AOPEP: variants seen among roughly 807,000 people sequenced by gnomAD.
AOPEP encodes the protein aminopeptidase O (putative), also known as aminopeptidase O.
In AOPEP, 77 loss-of-function variants were observed where a neutral mutation model predicts 98.1. The observed-to-expected ratio is 0.78, with a 90% CI of 0.65 to 0.95. The LOEUF (loss-of-function observed/expected upper bound fraction) is 0.95. Among genes scored for constraint, AOPEP ranks in the 40% least tolerant of loss-of-function variants. The pLI, the probability that AOPEP is intolerant of heterozygous loss-of-function variation, is 0.00. For missense variants in AOPEP, 1,024 were observed against 1,024.7 expected (o/e 1.00, Z 0.01); for synonymous variants, 346 against 365.3 (o/e 0.95, Z 0.60).
rs764693251 is a variant in AOPEP, at chr9:94,955,227, T to C, written c.1712T>C (p.Ile571Thr). The C allele has an allele frequency of 2.9e-5, 47 of 1,613,748 alleles. No individual in the cohort carries two copies. Among genetic ancestry groups the C allele is most frequent in the Middle Eastern group, 1.6e-4 (1 of 6,084 alleles). Reference protein sequence around the residue: ...GHTSDSGASVIKHGLNPEKIF... With the variant: ...GHTSDSGASVTKHGLNPEKIF... ...ACAAGTGACTCGGGAGCATCTGTTA[T>C]CAAGCATGGACTTAATCCGGAGAAG... is the stretch of plus-strand genomic sequence containing the variant. Residue 571 changes from isoleucine to threonine, a missense_variant, in exon 8 of 17, where the codon ATC becomes ACC. By Grantham distance (89) the Ile-to-Thr change is moderately conservative. Coordinates refer to ENST00000375315, the MANE Select transcript of AOPEP (RefSeq NM_001193329.3).
chr9:94,727,012 C>G (rs1310226657), intron 1 of AOPEP, among the ~76,000 whole-genome samples: 3 of 152,216 alleles, frequency 2.0e-5, no homozygotes, highest in Non-Finnish European at 4.4e-5. Context: ...GTCTTCTCCC[C>G]GGCGGCACAG....
At chr9:94,773,209 CAT>C (rs1564107215) in intron 3 of AOPEP, 41 bp downstream of exon 3, 2 of 1,535,368 alleles carry the variant, frequency 1.3e-6, no homozygotes, top group Non-Finnish European at 1.8e-6. Context: ...GTATTGCACA[CAT>C]GTGGACCCAG....
intron 16 of AOPEP, among the ~76,000 whole-genome samples, chr9:95,083,695 A>G (rs1019111692): frequency 2.0e-5 from 3 of 151,754 alleles, no homozygotes; most frequent in Admixed American, 6.6e-5. Flanking sequence ...CACACACCGC[A>G]CGCACCACAC....
chr9:94,960,970 C>T (rs1037646027), intron 9 of AOPEP, among the ~76,000 whole-genome samples: 32 of 149,916 alleles, frequency 2.1e-4, no homozygotes, highest in Admixed American at 1.5e-3. Context: ...CGAGATTGCG[C>T]GCCACTGCAC....
chr9:95,090,121 C>T (rs879578691), downstream of AOPEP, among the ~76,000 whole-genome samples: 1 of 152,254 alleles, frequency 6.6e-6, no homozygotes, highest in Non-Finnish European at 1.5e-5. Flanking sequence ...GGCTGGAGGG[C>T]AGAGGCCGCA....
chr9:94,938,510 C>T (rs574634741), intron 7 of AOPEP, among the ~76,000 whole-genome samples: 3 of 152,166 alleles, frequency 2.0e-5, no homozygotes, highest in South Asian at 4.1e-4. Flanking sequence ...AGAAAGGATA[C>T]CACTGAGATG....
In AOPEP at chr9:94,760,070, A is replaced by G; in HGVS notation, c.287A>G (p.Tyr96Cys). 3 of 1,614,236 alleles carry G rather than the reference A, an allele frequency of 1.9e-6. No homozygotes were observed. Among genetic ancestry groups the G allele is most frequent in the Non-Finnish European group, 1.7e-6 (2 of 1,180,040 alleles). ...NARTFSSEME[Y>C]NDFAICSKGE... The stretch of plus-strand genomic sequence containing the variant: ...AGGACCTTCTCATCTGAAATGGAAT[A>G]TAATGATTTTGCAATCTGTAGTAAA... Residue 96 changes from tyrosine to cysteine, a missense_variant, in exon 2 of 17, where the codon TAT becomes TGT. Transcript: ENST00000375315.
At chr9:95,144,619 G>A in the AOPEP span, among the ~76,000 whole-genome samples, 3 of 152,300 alleles carry the variant, frequency 2.0e-5, no homozygotes, top group Admixed American at 6.5e-5. Context: ...GAAAGAGTAA[G>A]GCTAGACACG....
chr9:94,988,965 G>T (rs1467320487), intron 11 of AOPEP, among the ~76,000 whole-genome samples: 2 of 149,798 alleles, frequency 1.3e-5, no homozygotes, highest in African/African-American at 2.5e-5. Flanking sequence ...CTGAAGTGCA[G>T]TGGCGCAATC....
At chr9:95,031,285 C>T (rs117202861) in intron 13 of AOPEP, among the ~76,000 whole-genome samples, 3 of 152,204 alleles carry the variant, frequency 2.0e-5, no homozygotes, top group East Asian at 1.9e-4. Flanking sequence ...GTCAGTGCGT[C>T]GGTCTGTCTT....
chr9:95,044,832 G>C (rs1167511135), intron 13 of AOPEP, among the ~76,000 whole-genome samples: 1 of 152,176 alleles, frequency 6.6e-6, no homozygotes, highest in Non-Finnish European at 1.5e-5. Context: ...CTGCACTAGA[G>C]AGGCGCTGGC....
chr9:94,747,044 T>TGG (rs1564059026), intron 1 of AOPEP, among the ~76,000 whole-genome samples: 143 of 148,544 alleles, frequency 9.6e-4, no homozygotes, highest in African/African-American at 2.0e-3. Context: ...CCAGTGGGTT[T>TGG]TTTTTTTTTT....
Position 94,917,444 on chromosome 9 carries a change from C to A in AOPEP, c.1365-6542C>A, listed in dbSNP as rs543260434. On this transcript the variant is annotated intron_variant, in intron 5 of 16. Coordinates refer to ENST00000375315, the MANE Select transcript of AOPEP (RefSeq NM_001193329.3). ...CCTTCCGCCCTCATGCCTCTCTCCT[C>A]CCCAGTGTCGTCTGTGCTGTGTTTT... is the stretch of plus-strand genomic sequence containing the variant. Among the ~76,000 whole-genome samples the A allele has an allele frequency of 3.9e-5, 6 of 152,306 alleles. No individual in the cohort carries two copies. The East Asian group carries it at 1.2e-3, about 29-fold the overall frequency.
At chr9:95,056,979 A>C (rs768606021) in intron 13 of AOPEP, among the ~76,000 whole-genome samples, 113 of 152,228 alleles carry the variant, frequency 7.4e-4, no homozygotes, top group Non-Finnish European at 9.1e-4. Context: ...CATTTTAAAA[A>C]TAATGAGCTG....
chr9:94,936,349 A>G (rs567952627), intron 7 of AOPEP, among the ~76,000 whole-genome samples: 12 of 152,224 alleles, frequency 7.9e-5, no homozygotes, highest in African/African-American at 2.4e-4. Flanking sequence ...CAGGTAGCTC[A>G]GAGACCCCTC....
chr9:94,991,164 T>C (rs759652339), intron 11 of AOPEP, among the ~76,000 whole-genome samples: 2 of 152,202 alleles, frequency 1.3e-5, no homozygotes, highest in Non-Finnish European at 2.9e-5. Context: ...GTCCCAGCTC[T>C]TGCAGCCAGA....
intron 13 of AOPEP, among the ~76,000 whole-genome samples, chr9:95,037,410 A>G (rs1050248349): frequency 2.0e-5 from 3 of 152,234 alleles, no homozygotes; most frequent in Non-Finnish European, 2.9e-5. Flanking sequence ...GTTGTTGTCA[A>G]AAGTATTACC....
At chr9:94,742,742 T>C (rs1276561801) in intron 1 of AOPEP, among the ~76,000 whole-genome samples, 1 of 152,200 alleles carries the variant, frequency 6.6e-6, no homozygotes, top group Non-Finnish European at 1.5e-5. Flanking sequence ...CACTTTTCTT[T>C]ATTTCTATGC....
chr9:95,004,276 A>G, intron 11 of AOPEP: 1 of 456,736 alleles, frequency 2.2e-6, no homozygotes, highest in South Asian at 1.5e-5. Context: ...GGTATCGCAC[A>G]TTTTTATAAA....
Sources: allele counts gnomAD v4.1 joint callset (sites outside exome capture counted in the v4.1 genomes callset), GRCh38; gene constraint gnomAD v4.1.1; transcripts MANE v1.5; gene names NCBI Gene and HGNC (gene_info 2026-07-23, HGNC 2026-07-21).